Variants in UNC13B observed in about 807,000 individuals in gnomAD.
UNC13B encodes protein unc-13 homolog B.
In UNC13B, 144 loss-of-function variants were observed where a neutral mutation model predicts 211.0. The ratio of observed to expected loss-of-function variants is 0.68; its 90% CI spans 0.60 to 0.78. UNC13B has a LOEUF of 0.78. UNC13B is among the 30% of genes least tolerant of loss of function. UNC13B has a pLI of 0.00. For missense variants in UNC13B, 1,777 were observed against 2,002.0 expected, an observed-to-expected ratio of 0.89 and a Z score of 2.14; for synonymous variants, 709 against 725.8, an observed-to-expected ratio of 0.98 and a Z score of 0.37.
intron 11 of UNC13B, chr9:35,353,753 C>T: frequency 8.1e-7 from 1 of 1,231,986 alleles, no homozygotes; most frequent in African/African-American, 1.6e-5. Context: ...GCAGAAAAAA[C>T]TTCTGCATGA....
At chr9:35,246,926 C>A (rs75466269) in intron 6 of UNC13B, among the ~76,000 whole-genome samples, 81,987 of 151,842 alleles carry the variant, frequency 0.54, 22,468 homozygotes, top group Non-Finnish European at 0.57. Context: ...GGCATTGAAT[C>A]TATAAATTAC....
At position 35,162,151 on chromosome 9, in the gene UNC13B, C is replaced by T. The variant is rs1373486245; in HGVS notation, c.-133C>T. 2 of 1,387,370 alleles carry T rather than the reference C, an allele frequency of 1.4e-6. No individual in the cohort carries two copies. The highest frequency in any genetic ancestry group is 9.8e-7 in the Non-Finnish European group (1 of 1,016,750). The allele number at this position is 1,387,370 out of a possible 1,614,324, so 85.9% of individuals were successfully genotyped here. A position where few individuals can be genotyped will look rare whatever the true frequency, so the allele number is the denominator to read the frequency against. On this transcript the variant is annotated 5_prime_UTR_variant, in exon 1 of 40. Coordinates refer to ENST00000635942, the MANE Select transcript of UNC13B (RefSeq NM_001371189.2). ...GTCCGAGGCAGCGGCGGGACGCTAC[C>T]TGCGACCGGGACCATGAGGAGCTGC...
intron 11 of UNC13B, chr9:35,353,154 A>G: frequency 1.6e-6 from 2 of 1,232,138 alleles, no homozygotes. Flanking sequence ...GTTCATATTG[A>G]CCTGAATGAA....
intron 11 of UNC13B, chr9:35,361,575 C>T (rs1242503513): frequency 6.6e-6 from 1 of 152,098 alleles, no homozygotes. Context: ...GTGCTAAGCC[C>T]TCAGGCTACA....
chr9:35,187,904 GA>G (rs1257131599), intron 1 of UNC13B, among the ~76,000 whole-genome samples: 1 of 152,206 alleles, frequency 6.6e-6, no homozygotes, highest in Non-Finnish European at 1.5e-5. Context: ...TGCAAGTCTA[GA>G]TTGACTCCTT....
chr9:35,275,502 T>C (rs1258134024), intron 7 of UNC13B, among the ~76,000 whole-genome samples: 2 of 152,178 alleles, frequency 1.3e-5, no homozygotes, highest in African/African-American at 4.8e-5. Context: ...TTGTGAATCA[T>C]TCAAGAGGTT....
rs1829765661 is a variant in UNC13B, at chr9:35,303,113, A to G, written c.3709A>G (p.Lys1237Glu). 1 of 398,700 alleles carries G rather than the reference A, an allele frequency of 2.5e-6. No individual in the cohort carries two copies. Among genetic ancestry groups the G allele is most frequent in the East Asian group, 3.6e-5 (1 of 28,066 alleles). 24.7% of individuals were successfully genotyped at this position (398,700 alleles called of 1,614,324 possible). ...TTCATGTGTGACTTCTGAGAACCCG[A>G]AGAACCATGTTGAAAAACATGAAAC... ...ATSCVTSENP[K>E]NHVEKHETSS... Residue 1237 changes from lysine to glutamate, a missense_variant, in exon 9 of 40, where the codon AAG (lysine) becomes GAG (glutamate). Lys to Glu is a moderately conservative substitution (Grantham distance 56). Transcript: ENST00000635942.
chr9:35,287,727 G>A (rs919789470), intron 7 of UNC13B, among the ~76,000 whole-genome samples: 2 of 152,088 alleles, frequency 1.3e-5, no homozygotes, highest in Middle Eastern at 3.2e-3. Context: ...GCATTATCAG[G>A]TGCTGAGGAT....
chr9:35,342,205 G>C, intron 11 of UNC13B: 1 of 985,684 alleles, frequency 1.0e-6, no homozygotes, highest in Non-Finnish European at 1.2e-6. Flanking sequence ...AGTTCGTCCT[G>C]TGGCTTCTCT....
intron 24 of UNC13B, among the ~76,000 whole-genome samples, chr9:35,388,232 A>G (rs1387130972): frequency 2.6e-5 from 4 of 152,100 alleles, no homozygotes; most frequent in South Asian, 2.1e-4. Context: ...ATATGGTGAA[A>G]CCCTGTCTCT....
chr9:35,258,956 T>G, intron 6 of UNC13B, 37 bp from the exon 7 acceptor site: 1 of 1,598,084 alleles, frequency 6.3e-7, no homozygotes, highest in Non-Finnish European at 8.5e-7. Context: ...GGCTTCTGAT[T>G]GTATTTATTT....
intron 7 of UNC13B, among the ~76,000 whole-genome samples, chr9:35,262,679 C>T (rs1827348390): frequency 6.6e-6 from 1 of 152,034 alleles, no homozygotes; most frequent in Admixed American, 6.6e-5. Flanking sequence ...ACCTGTAATC[C>T]CAGGACTCTG....
intron 11 of UNC13B, among the ~76,000 whole-genome samples, chr9:35,322,327 A>T (rs902457653): frequency 2.0e-5 from 3 of 152,116 alleles, no homozygotes; most frequent in African/African-American, 7.2e-5. Context: ...TAGCTCTAGA[A>T]ACGGAGATTG....
chr9:35,279,720 A>G (rs1359709814), intron 7 of UNC13B, among the ~76,000 whole-genome samples: 1 of 152,220 alleles, frequency 6.6e-6, no homozygotes, highest in East Asian at 1.9e-4. Context: ...ACATTTAACA[A>G]TGCATTTGAA....
chr9:35,306,684 C>T lies in UNC13B; in HGVS notation c.7280C>T (p.Ser2427Phe), dbSNP rs1322801608. 2 of 398,948 alleles carry T rather than the reference C, an allele frequency of 5.0e-6. No individual in the cohort carries two copies. The highest frequency in any genetic ancestry group is 3.6e-5 in the East Asian group (1 of 28,096). The allele number at this position is 398,948 out of a possible 1,614,324, so 24.7% of individuals were successfully genotyped here. The change falls in exon 9 of 40, where the codon TCC (serine) becomes TTC (phenylalanine). Residue 2427 changes from serine to phenylalanine, a missense_variant. Ser to Phe is a radical substitution (Grantham distance 155). Coordinates refer to ENST00000635942, the MANE Select transcript of UNC13B (RefSeq NM_001371189.2). ...VLPQILEPAS[S>F]SPEPGCAGNL... ...CCACAGATCCTAGAGCCAGCCTCTT[C>T]CTCTCCAGAGCCAGGGTGTGCAGGG...
chr9:35,309,687 A>G (rs1830091674), intron 9 of UNC13B, among the ~76,000 whole-genome samples: 1 of 152,220 alleles, frequency 6.6e-6, no homozygotes, highest in African/African-American at 2.4e-5. Flanking sequence ...GTCTTCAGAT[A>G]TAGAGATGCA....
intron 1 of UNC13B, among the ~76,000 whole-genome samples, chr9:35,211,352 TG>T (rs1219676850): frequency 6.6e-6 from 1 of 152,164 alleles, no homozygotes. Context: ...TTTTATCGTG[TG>T]TGTGTGTGTC....
At position 35,397,177 on chromosome 9, in the gene UNC13B, C is replaced by T; in HGVS notation, c.11543C>T (p.Thr3848Ile). The change falls in exon 29 of 40, where the codon ACA becomes ATA. Residue 3848 changes from threonine to isoleucine, a missense_variant. Thr to Ile is a moderately conservative substitution (Grantham distance 89). Coordinates refer to ENST00000635942, the MANE Select transcript of UNC13B (RefSeq NM_001371189.2). ...TGTGGTCTTCCTTAGTTCCAGCAGA[C>T]ATCAGAGCATGCACTCTTTTCCTGC... ...ERDKKDGFQQ[T>I]SEHALFSCSV... is the part of the protein sequence containing the mutation. The T allele has an allele frequency of 3.7e-6, 6 of 1,614,174 alleles. No homozygotes were observed. Among genetic ancestry groups the T allele is most frequent in the Non-Finnish European group, 5.1e-6 (6 of 1,180,034 alleles).
chr9:35,278,366 G>A (rs1828293478), intron 7 of UNC13B, among the ~76,000 whole-genome samples: 1 of 152,158 alleles, frequency 6.6e-6, no homozygotes, highest in Non-Finnish European at 1.5e-5. Flanking sequence ...TTTTGTTGCT[G>A]TGATGGAAGA....
Sources: gnomAD v4.1 joint callset for allele counts (sites outside exome capture counted in the v4.1 genomes callset) on GRCh38, gnomAD v4.1.1 for gene constraint, MANE v1.5 for transcripts, NCBI Gene and HGNC (gene_info 2026-07-23, HGNC 2026-07-21) for gene names.